The following FBXL17 variants were observed in gnomAD, a reference collection of about 807,000 sequenced individuals.
The protein encoded by FBXL17 is F-box and leucine rich repeat protein 17.
A neutral mutation model predicts 66.2 loss-of-function variants in FBXL17; 22 were observed. That is an observed-to-expected ratio of 0.33 (90% CI 0.24 to 0.47). FBXL17 has a LOEUF of 0.47. FBXL17 is among the 20% of genes least tolerant of loss of function. The probability of loss-of-function intolerance (pLI) is 1.00; values close to 1 mark genes in which losing one functional copy is unlikely to be tolerated. For synonymous variants in FBXL17, 474 were observed against 400.5 expected (o/e 1.18, Z -2.19); for missense variants, 878 against 948.2 (o/e 0.93, Z 0.97).
intron 6 of FBXL17, among the ~76,000 whole-genome samples, chr5:108,156,629 A>C (rs115554669): frequency 5.9e-5 from 9 of 152,138 alleles, no homozygotes; most frequent in African/African-American, 2.2e-4. Flanking sequence ...TAAAGAAATT[A>C]TAAATGTGTT....
intron 7 of FBXL17, among the ~76,000 whole-genome samples, chr5:107,981,012 T>C (rs189441721): frequency 5.5e-4 from 83 of 152,238 alleles, no homozygotes; most frequent in African/African-American, 2.0e-3. Context: ...TATTAAATTC[T>C]GGGAGGTATA....
chr5:107,944,742 T>C (rs1005163288), intron 7 of FBXL17, among the ~76,000 whole-genome samples: 1 of 152,156 alleles, frequency 6.6e-6, no homozygotes, highest in Non-Finnish European at 1.5e-5. Context: ...GAAAAAAGAA[T>C]GGACTACTCA....
intron 7 of FBXL17, among the ~76,000 whole-genome samples, chr5:107,884,602 T>C (rs1748900295): frequency 6.6e-6 from 1 of 152,222 alleles, no homozygotes; most frequent in Non-Finnish European, 1.5e-5. Context: ...TCTTTGACTA[T>C]ATCATGTCCT....
intron 3 of FBXL17, among the ~76,000 whole-genome samples, chr5:108,351,310 T>C (rs774531704): frequency 1.3e-5 from 2 of 152,172 alleles, no homozygotes; most frequent in Non-Finnish European, 2.9e-5. Context: ...ATCCTTATCT[T>C]TGATACAAGG....
chr5:108,208,263 T>C (rs2966818), intron 5 of FBXL17, among the ~76,000 whole-genome samples: 114,041 of 152,176 alleles, frequency 0.75, 43,108 homozygotes, highest in East Asian at 0.93. Flanking sequence ...TTCTGTAGGG[T>C]CTGTTCACTC....
intron 7 of FBXL17, among the ~76,000 whole-genome samples, chr5:107,949,161 C>A (rs114073300): frequency 0.014 from 2,100 of 145,918 alleles, 22 homozygotes; most frequent in South Asian, 0.026. Flanking sequence ...GGCTTCCACA[C>A]CACATCTGTC....
chr5:108,155,373 G>T lies in FBXL17; in HGVS notation c.1745+30744C>A, dbSNP rs181397233. ...CTACTAAAAATACAAAAATTAGCCG[G>T]GCGTGGTGGCACGTGCCTGTAATCC... On this transcript the variant is annotated intron_variant, in intron 6 of 8. Transcript: ENST00000542267. 1.4e-3 allele frequency among the ~76,000 whole-genome samples: 211 copies of T among 152,126 alleles called. 1 individual carries two copies. Among genetic ancestry groups the T allele is most frequent in the African/African-American group, 4.5e-3 (185 of 41,466 alleles).
intron 4 of FBXL17, among the ~76,000 whole-genome samples, chr5:108,346,356 C>A (rs1188040421): frequency 6.6e-6 from 1 of 151,724 alleles, no homozygotes; most frequent in Non-Finnish European, 1.5e-5. Context: ...AAACTGATGC[C>A]CTTAGCATTT....
rs940221629 is a variant in FBXL17 at position 107,878,686 on chromosome 5, T to C, written c.1965+2351A>G. On this transcript the variant is annotated intron_variant, in intron 8 of 8. Transcript: ENST00000542267. ...CATGATACAAAATCTGAAAACTGAA[T>C]AGCTACTTTAGATTTCCATCCAACT... The C allele has an allele frequency of 2.3e-5, 23 of 985,324 alleles. 1 individual carries two copies. In the South Asian group the frequency reaches 9.4e-4, roughly 40 times the overall value. 61.0% of individuals were successfully genotyped at this position (985,324 alleles called of 1,614,324 possible).
intron 4 of FBXL17, among the ~76,000 whole-genome samples, chr5:108,251,390 T>G (rs1756344353): frequency 6.6e-6 from 1 of 152,186 alleles, no homozygotes; most frequent in Admixed American, 6.6e-5. Flanking sequence ...TATTATTTTC[T>G]TATGTAGACA....
intron 7 of FBXL17, among the ~76,000 whole-genome samples, chr5:107,980,241 A>G (rs1402486606): frequency 6.6e-6 from 1 of 152,164 alleles, no homozygotes; most frequent in African/African-American, 2.4e-5. Context: ...ATTATGAACA[A>G]AATGATAAAA....
At position 108,058,633 on chromosome 5, in the gene FBXL17, T is replaced by C. The variant is rs565726461; in HGVS notation, c.1746-37632A>G. Among the ~76,000 whole-genome samples, 10 of 152,192 alleles carry C rather than the reference T, an allele frequency of 6.6e-5. No individual in the cohort carries two copies. The South Asian group carries it at 1.5e-3, about 22-fold the overall frequency. On this transcript the variant is annotated intron_variant, in intron 6 of 8. Coordinates refer to ENST00000542267, the MANE Select transcript of FBXL17 (RefSeq NM_001163315.3). ...CCGAGTAGTTGGGATTACAGGCACA[T>C]GCTGCCACACCCGGCTAATTTTTTG...
intron 6 of FBXL17, among the ~76,000 whole-genome samples, chr5:108,085,526 C>T (rs1198350748): frequency 6.6e-6 from 1 of 152,240 alleles, no homozygotes; most frequent in South Asian, 2.1e-4. Flanking sequence ...TATTTGAACC[C>T]CATGTGGTCC....
intron 7 of FBXL17, among the ~76,000 whole-genome samples, chr5:107,949,428 T>C (rs1375633778): frequency 2.6e-5 from 4 of 152,124 alleles, no homozygotes; most frequent in East Asian, 1.9e-4. Flanking sequence ...GAAGAGTAGA[T>C]AGACAAGATA....
intron 3 of FBXL17, among the ~76,000 whole-genome samples, chr5:108,350,755 C>T (rs1747593192): frequency 6.6e-6 from 1 of 152,158 alleles, no homozygotes; most frequent in Non-Finnish European, 1.5e-5. Flanking sequence ...AGTGTGAAAG[C>T]AGAATTAGAG....
At chr5:108,228,169 A>G (rs1755178102) in intron 4 of FBXL17, among the ~76,000 whole-genome samples, 1 of 152,206 alleles carries the variant, frequency 6.6e-6, no homozygotes, top group Non-Finnish European at 1.5e-5. Flanking sequence ...AGCCCTGGAA[A>G]GCAAGACAAG....
intron 7 of FBXL17, among the ~76,000 whole-genome samples, chr5:107,958,351 A>G (rs1751749882): frequency 6.6e-6 from 1 of 152,078 alleles, no homozygotes; most frequent in Non-Finnish European, 1.5e-5. Flanking sequence ...TAGTTTATGG[A>G]CTAATATAAA....
At chr5:107,878,371 G>A (rs1748676531) in intron 8 of FBXL17, 3 of 833,480 alleles carry the variant, frequency 3.6e-6, no homozygotes, top group Non-Finnish European at 4.3e-6. Flanking sequence ...CAGTAACAGA[G>A]CATTTTATAT....
At chr5:107,941,508 T>TA (rs1481840887) in intron 7 of FBXL17, among the ~76,000 whole-genome samples, 2 of 152,292 alleles carry the variant, frequency 1.3e-5, no homozygotes, top group East Asian at 3.9e-4. Flanking sequence ...GTGAAGCCAC[T>TA]AGGGACCTGG....
Sources: allele counts gnomAD v4.1 joint callset (sites outside exome capture counted in the v4.1 genomes callset), GRCh38; gene constraint gnomAD v4.1.1; transcripts MANE v1.5; gene names NCBI Gene and HGNC (gene_info 2026-07-23, HGNC 2026-07-21).